The following LPA variants were observed in gnomAD, a reference collection of about 807,000 sequenced individuals.
LPA encodes lipoprotein(a).
LPA carries 199 observed loss-of-function variants against 197.9 expected under a neutral mutation model. That is an observed-to-expected ratio of 1.01 (90% CI 0.90 to 1.13). The LOEUF is 1.13. Ranked by LOEUF, LPA falls within the 50% of genes most tolerant of loss-of-function variation. The probability of loss-of-function intolerance (pLI) is 0.00; values close to 1 mark genes in which losing one functional copy is unlikely to be tolerated. For missense variants in LPA, 1,853 were observed against 1,785.8 expected (o/e 1.04, Z -0.68); for synonymous variants, 715 against 639.5 (o/e 1.12, Z -1.78).
At chr6:160,544,064 T>C (rs1249747755) in intron 33 of LPA, among the ~76,000 whole-genome samples, 2 of 152,200 alleles carry the variant, frequency 1.3e-5, no homozygotes, top group Non-Finnish European at 2.9e-5. Context: ...AACCTGATTC[T>C]CATACATCCT....
At chr6:160,603,751 C>T (rs1305095030) in intron 18 of LPA, among the ~76,000 whole-genome samples, 1 of 152,180 alleles carries the variant, frequency 6.6e-6, no homozygotes, top group South Asian at 2.1e-4. Flanking sequence ...GAGGGTTTTC[C>T]TCTCCCAGGC....
intron 20 of LPA, among the ~76,000 whole-genome samples, chr6:160,595,949 T>C (rs986818020): frequency 6.6e-5 from 10 of 152,312 alleles, no homozygotes; most frequent in African/African-American, 1.9e-4. Flanking sequence ...TTAACTGAGA[T>C]TGATTTTGAA....
chr6:160,577,766 G>C (rs956176849), intron 27 of LPA, among the ~76,000 whole-genome samples: 1 of 152,176 alleles, frequency 6.6e-6, no homozygotes, highest in South Asian at 2.1e-4. Context: ...CTACATTTAG[G>C]AGTGCAGGCA....
chr6:160,578,704 A>T lies in LPA; in HGVS notation c.4290T>A (p.Ala1430=), dbSNP rs1778734340. Residue 1430 remains alanine (A), a splice_region_variant and synonymous_variant, in exon 27 of 39, where the codon GCT becomes GCA. Coordinates refer to ENST00000316300, the MANE Select transcript of LPA (RefSeq NM_005577.4). ...HRRIPLYYPN[A]GLTRNYCRNP... is the part of the protein sequence containing the mutation. The stretch of plus-strand genomic sequence containing the variant: ...TCCTGCAGTAGTTCCTGGTCAGGCC[A>T]CTGCAAATTTCAAAACAACACAGGT... 6.2e-7 allele frequency: 1 copy of T among 1,613,684 alleles called. No homozygotes were observed. The highest frequency in any genetic ancestry group is 1.7e-5 in the Admixed American group (1 of 59,992).
At chr6:160,575,519 A>G (rs114766146) in intron 28 of LPA, among the ~76,000 whole-genome samples, 6,501 of 152,242 alleles carry the variant, frequency 0.043, 472 homozygotes, top group African/African-American at 0.15. Flanking sequence ...TCTGATGGGC[A>G]ACTAATTTAT....
In LPA at chr6:160,611,593, G is replaced by A. The variant is rs772405081; in HGVS notation, c.2572C>T (p.His858Tyr). ...GGGTAGTATTCTGGGGTCCGACTAT[G>A]CGAGTGTGGTGTCATAGATGACCAA... is the stretch of plus-strand genomic sequence containing the variant. ...QAWSSMTPHS[H>Y]SRTPEYYPNA... is the part of the protein sequence containing the mutation. The change falls in exon 16 of 39, where the codon CAT becomes TAT. Residue 858 changes from histidine to tyrosine, a missense_variant. His to Tyr is a moderately conservative substitution (Grantham distance 83, BLOSUM62 2). Transcript: ENST00000316300. 1.1e-5 allele frequency: 18 copies of A among 1,603,408 alleles called. No homozygotes were observed. Among genetic ancestry groups the A allele is most frequent in the Non-Finnish European group, 1.4e-5 (16 of 1,178,494 alleles).
intron 26 of LPA, among the ~76,000 whole-genome samples, chr6:160,579,474 G>C (rs1778749610): frequency 6.6e-6 from 1 of 152,138 alleles, no homozygotes; most frequent in Admixed American, 6.5e-5. Context: ...TGGGTGATGA[G>C]TTGAAAGAAC....
At chr6:160,589,515 G>T (rs751489209) in intron 24 of LPA, 38 bp downstream of exon 24, 5 of 1,609,428 alleles carry the variant, frequency 3.1e-6, no homozygotes, top group East Asian at 4.5e-5. Flanking sequence ...AATTTAAGTG[G>T]GTGGCTGTTT....
chr6:160,598,932 G>A (rs535874872), intron 20 of LPA, among the ~76,000 whole-genome samples: 148 of 152,294 alleles, frequency 9.7e-4, no homozygotes, highest in Non-Finnish European at 1.5e-3. Context: ...CGATGTTGTA[G>A]AAGGATACTC....
At position 160,611,587 on chromosome 6, in the gene LPA, G is replaced by A. The variant is rs1416638953; in HGVS notation, c.2578C>T (p.Arg860Trp). Reference protein sequence around the residue: ...WSSMTPHSHSRTPEYYPNAGL... With the variant: ...WSSMTPHSHSWTPEYYPNAGL... ...GCATTTGGGTAGTATTCTGGGGTCCGACTATGCGAGTGTGGTGTCATAGAT... is the reference window on the plus strand; with the variant it reads ...GCATTTGGGTAGTATTCTGGGGTCCAACTATGCGAGTGTGGTGTCATAGAT... The change falls in exon 16 of 39, where the codon CGG (arginine) becomes TGG (tryptophan). Residue 860 changes from arginine (R) to tryptophan (W), a missense_variant. Physicochemically the swap from Arg to Trp is moderately radical, Grantham distance 101 (BLOSUM62 -3). Around this residue, in one of 3 missense-constraint regions of LPA, gnomAD observed 1,737 missense variants for 1,504.4 expected, o/e 1.15. Transcript: ENST00000316300. The A allele has an allele frequency of 1.7e-5, 28 of 1,604,270 alleles. No homozygotes were observed. Among genetic ancestry groups the A allele is most frequent in the African/African-American group, 2.7e-5 (2 of 74,320 alleles).
At chr6:160,567,731 A>G (rs1451680125) in intron 28 of LPA, among the ~76,000 whole-genome samples, 1 of 152,194 alleles carries the variant, frequency 6.6e-6, no homozygotes, top group Admixed American at 6.5e-5. Context: ...AGATCAACAA[A>G]ATTGATAGAC....
chr6:160,640,527 G>A (rs1779831588), intron 5 of LPA, 140 bp downstream of exon 5: 1 of 61,284 alleles, frequency 1.6e-5, no homozygotes, highest in East Asian at 2.5e-4. Flanking sequence ...GAGAGTGCAC[G>A]GAGGCTTCCT....
rs746642452 is a variant in LPA, at chr6:160,634,959, C to T, written c.1075+164G>A. On this transcript the variant is annotated intron_variant, in intron 7 of 38. Transcript: ENST00000316300. The stretch of plus-strand genomic sequence containing the variant: ...ACCCAAGTTGCACCAGAAATCACTC[C>T]GCTGGCTCCCCCAGAGAGTACACGG... 1.8e-3 allele frequency among the ~76,000 whole-genome samples: 277 copies of T among 150,122 alleles called. 2 individuals are homozygous for T. The highest frequency in any genetic ancestry group is 2.8e-3 in the Non-Finnish European group (188 of 67,878).
Position 160,550,206 on chromosome 6 carries a change from C to T in LPA, c.4974-1547G>A, listed in dbSNP as rs868197293. On this transcript the variant is annotated intron_variant, in intron 30 of 38. Transcript: ENST00000316300. The stretch of plus-strand genomic sequence containing the variant: ...ATTACACTCCTGCCTGGCGACAGAG[C>T]GAGACTCTGTCAAGAAAAAAAAAAA... Among the ~76,000 whole-genome samples the T allele has an allele frequency of 1.2e-4, 17 of 137,322 alleles. No homozygotes were observed. The South Asian group carries it at 3.9e-3, about 31-fold the overall frequency. 90.1% of individuals were successfully genotyped at this position (137,322 alleles called of 152,430 possible). A position where few individuals can be genotyped will look rare whatever the true frequency, so the allele number is the denominator to read the frequency against.
intron 27 of LPA, 90 bp downstream of exon 27, chr6:160,578,433 C>G (rs904375393): frequency 6.6e-6 from 10 of 1,523,474 alleles, no homozygotes; most frequent in Admixed American, 1.7e-5. Flanking sequence ...TCAACCAACC[C>G]TCCAGTGTAC....
intron 24 of LPA, among the ~76,000 whole-genome samples, chr6:160,586,842 T>C (rs1778921516): frequency 6.6e-6 from 1 of 152,240 alleles, no homozygotes; most frequent in African/African-American, 2.4e-5. Context: ...ACATTCAAAG[T>C]AATCTATGCT....
chr6:160,550,548 A>G (rs1778151895), intron 30 of LPA, among the ~76,000 whole-genome samples: 1 of 152,218 alleles, frequency 6.6e-6, no homozygotes, highest in South Asian at 2.1e-4. Flanking sequence ...ATTTTCATGT[A>G]TAGTCAAATG....
intron 27 of LPA, 90 bp downstream of exon 27, chr6:160,578,433 C>T (rs904375393): frequency 1.3e-6 from 2 of 1,523,592 alleles, no homozygotes; most frequent in Non-Finnish European, 1.8e-6. Context: ...TCAACCAACC[C>T]TCCAGTGTAC....
At chr6:160,587,801 T>TGTGTGTGTGTGTGTTTCTG (rs1562333102) in intron 24 of LPA, among the ~76,000 whole-genome samples, 7 of 79,632 alleles carry the variant, frequency 8.8e-5, no homozygotes, top group Non-Finnish European at 1.5e-4. Flanking sequence ...GTGTGTGTGT[T>TGTGTGTGTGTGTGTTTCTG]TCTGTCTGTT....
Sources: allele counts gnomAD v4.1 joint callset (sites outside exome capture counted in the v4.1 genomes callset), GRCh38; gene constraint gnomAD v4.1.1; regional missense constraint gnomAD v4.1.1; transcripts MANE v1.5; gene names NCBI Gene and HGNC (gene_info 2026-07-23, HGNC 2026-07-21).